DIAPH3: variants seen among roughly 807,000 people sequenced by gnomAD.
DIAPH3 encodes the protein diaphanous related formin 3, also known as protein diaphanous homolog 3.
In DIAPH3, 117 loss-of-function variants were observed where a neutral mutation model predicts 144.3. The observed-to-expected ratio is 0.81, with a 90% CI of 0.70 to 0.95. DIAPH3 has a LOEUF of 0.95. DIAPH3 is among the 40% of genes least tolerant of loss of function. DIAPH3 has a pLI of 0.00. For synonymous variants in DIAPH3, 519 were observed against 488.9 expected (o/e 1.06, Z -0.81); for missense variants, 1,421 against 1,412.7 (o/e 1.01, Z -0.09).
chr13:59,760,432 AGTTG>A (rs1566271693), intron 27 of DIAPH3, among the ~76,000 whole-genome samples: 10 of 152,238 alleles, frequency 6.6e-5, no homozygotes, highest in Non-Finnish European at 1.2e-4. Context: ...AAAGTTTCTT[AGTTG>A]TCTCTTATAT....
At chr13:59,752,392 C>A (rs1381527228) in intron 27 of DIAPH3, among the ~76,000 whole-genome samples, 1 of 144,672 alleles carries the variant, frequency 6.9e-6, no homozygotes, top group African/African-American at 2.6e-5. Flanking sequence ...TTTTGAGACA[C>A]AGTCTCGCTC....
At chr13:60,062,998 C>T (rs772088139) in intron 4 of DIAPH3, among the ~76,000 whole-genome samples, 3 of 152,174 alleles carry the variant, frequency 2.0e-5, no homozygotes, top group African/African-American at 4.8e-5. Flanking sequence ...ACAATGAAGT[C>T]TACTGCATCA....
chr13:59,952,100 T>C (rs1479820120), intron 17 of DIAPH3, among the ~76,000 whole-genome samples: 2 of 152,154 alleles, frequency 1.3e-5, no homozygotes, highest in Non-Finnish European at 2.9e-5. Flanking sequence ...CACTGACACA[T>C]GCTACAATGC....
At chr13:59,865,492 C>A (rs1409718800) in intron 21 of DIAPH3, among the ~76,000 whole-genome samples, 1 of 152,034 alleles carries the variant, frequency 6.6e-6, no homozygotes, top group Non-Finnish European at 1.5e-5. Context: ...CAGTGCTTGA[C>A]AGGATTTCTT....
chr13:59,929,554 C>CTTTTTTTTTTTTTTTT (rs1167902415), intron 17 of DIAPH3, among the ~76,000 whole-genome samples: 2 of 56,090 alleles, frequency 3.6e-5, no homozygotes, highest in African/African-American at 7.2e-5. Context: ...AAATTTTGTT[C>CTTTTTTTTTTTTTTTT]TTTTTTTTTT....
At chr13:60,040,593 AGAG>A (rs1367334526) in intron 5 of DIAPH3, among the ~76,000 whole-genome samples, 2 of 152,164 alleles carry the variant, frequency 1.3e-5, no homozygotes, top group African/African-American at 2.4e-5. Context: ...GAGTAGATGA[AGAG>A]GAGAATAATA....
At chr13:60,109,507 A>G (rs1017606099) in intron 3 of DIAPH3, among the ~76,000 whole-genome samples, 4 of 151,848 alleles carry the variant, frequency 2.6e-5, no homozygotes, top group African/African-American at 9.7e-5. Flanking sequence ...AAAAGAGGCC[A>G]ACCACATCCC....
chr13:59,718,035 T>C (rs886088568), intron 27 of DIAPH3, among the ~76,000 whole-genome samples: 4 of 152,164 alleles, frequency 2.6e-5, no homozygotes, highest in African/African-American at 9.7e-5. Context: ...CTACTGTATA[T>C]ATTAGGCACT....
intron 20 of DIAPH3, among the ~76,000 whole-genome samples, chr13:59,892,561 T>C (rs2045872233): frequency 1.3e-5 from 2 of 151,952 alleles, no homozygotes. Flanking sequence ...TAAAAGACTC[T>C]TTTTAAAAAA....
At chr13:59,780,393 G>T (rs1466041826) in intron 25 of DIAPH3, among the ~76,000 whole-genome samples, 3 of 152,120 alleles carry the variant, frequency 2.0e-5, no homozygotes, top group Non-Finnish European at 4.4e-5. Flanking sequence ...ATGTTTAGAT[G>T]ATTTATATTT....
intron 25 of DIAPH3, among the ~76,000 whole-genome samples, chr13:59,776,665 C>A (rs946727824): frequency 2.0e-5 from 3 of 151,840 alleles, no homozygotes; most frequent in African/African-American, 7.3e-5. Flanking sequence ...CTTTTGAATA[C>A]TTTAATGGCA....
At chr13:60,135,049 G>C (rs947421153) in intron 1 of DIAPH3, among the ~76,000 whole-genome samples, 3 of 151,948 alleles carry the variant, frequency 2.0e-5, no homozygotes, top group East Asian at 1.9e-4. Context: ...AATAAAACTA[G>C]ACAGGAAAAT....
rs984280606 is a variant in DIAPH3, at chr13:60,029,917, G to A, written c.626+12773C>T. Among the ~76,000 whole-genome samples the A allele has an allele frequency of 3.3e-5, 5 of 152,094 alleles. No homozygotes were observed. The South Asian group carries it at 8.3e-4, about 25-fold the overall frequency. On this transcript the variant is annotated intron_variant, in intron 5 of 27. Coordinates refer to ENST00000400324, the MANE Select transcript of DIAPH3 (RefSeq NM_001042517.2). ...ACGAGCTTTATGGCCATGACCTTCC[G>A]CATGGCCTGGCCACTGCCCACCTTC...
At chr13:60,139,989 C>G (rs2138299675) in intron 1 of DIAPH3, among the ~76,000 whole-genome samples, 1 of 152,236 alleles carries the variant, frequency 6.6e-6, no homozygotes, top group East Asian at 1.9e-4. Context: ...GAATCCAAGA[C>G]CTTTTTCATT....
At position 59,971,154 on chromosome 13, in the gene DIAPH3, C is replaced by G; in HGVS notation, c.1657G>C (p.Ala553Pro). 6.4e-7 allele frequency: 1 copy of G among 1,574,370 alleles called. No individual in the cohort carries two copies. Among genetic ancestry groups the G allele is most frequent in the Non-Finnish European group, 8.6e-7 (1 of 1,158,728 alleles). ...ELQAFKSQFG[A>P]LPADCNIPLP... is the part of the protein sequence containing the mutation. Reference sequence around the variant, plus strand: ...GGAATATTACAATCAGCTGGCAAGGCACCAAACTGGAGAAAAAAACAATAA... The same window carrying G: ...GGAATATTACAATCAGCTGGCAAGGGACCAAACTGGAGAAAAAAACAATAA... The change falls in exon 16 of 28, where the codon GCC becomes CCC. Residue 553 changes from alanine (A) to proline (P), a missense_variant. By Grantham distance (27) the Ala-to-Pro change is conservative. Transcript: ENST00000400324.
intron 3 of DIAPH3, among the ~76,000 whole-genome samples, chr13:60,095,643 T>G (rs1648463123): frequency 6.6e-6 from 1 of 152,004 alleles, no homozygotes; most frequent in Non-Finnish European, 1.5e-5. Flanking sequence ...TTAGTCTGTC[T>G]GGACCAGTTT....
intron 27 of DIAPH3, among the ~76,000 whole-genome samples, chr13:59,742,744 A>AC (rs1332820997): frequency 7.0e-6 from 1 of 142,758 alleles, no homozygotes; most frequent in East Asian, 2.0e-4. Flanking sequence ...GCAGATCAAG[A>AC]CATGTCTCTT....
At chr13:59,829,578 G>T (rs145967912) in intron 24 of DIAPH3, among the ~76,000 whole-genome samples, 2 of 151,946 alleles carry the variant, frequency 1.3e-5, no homozygotes, top group South Asian at 4.1e-4. Context: ...AGCTCCAGAC[G>T]CATGGTTAGC....
rs537625986 is a variant in DIAPH3 at position 59,774,985 on chromosome 13, T to A, written c.3164-162A>T. Reference sequence around the variant, plus strand: ...TAGGACAGGACTTTAACTCTCTCATTAAATCAACTATCTTTTAATGAAAAC... The same window carrying A: ...TAGGACAGGACTTTAACTCTCTCATAAAATCAACTATCTTTTAATGAAAAC... On this transcript the variant is annotated intron_variant, in intron 25 of 27. Coordinates refer to ENST00000400324, the MANE Select transcript of DIAPH3 (RefSeq NM_001042517.2). Among the ~76,000 whole-genome samples the A allele has an allele frequency of 2.6e-5, 4 of 152,316 alleles. No individual in the cohort carries two copies. In the South Asian group the frequency reaches 8.3e-4, roughly 32 times the overall value.
Sources: gnomAD v4.1 joint callset for allele counts (sites outside exome capture counted in the v4.1 genomes callset) on GRCh38, gnomAD v4.1.1 for gene constraint, MANE v1.5 for transcripts, NCBI Gene and HGNC (gene_info 2026-07-23, HGNC 2026-07-21) for gene names.